HDAC4: variants seen among roughly 807,000 people sequenced by gnomAD.
The protein encoded by HDAC4 is histone deacetylase 4.
In HDAC4, 16 loss-of-function variants were observed where a neutral mutation model predicts 135.1. The observed-to-expected ratio is 0.12, with a 90% CI of 0.08 to 0.18. The LOEUF is 0.18. Among genes scored for constraint, HDAC4 ranks in the 10% least tolerant of loss-of-function variants. The probability of loss-of-function intolerance (pLI) is 1.00; values close to 1 mark genes in which losing one functional copy is unlikely to be tolerated. For missense variants in HDAC4, 1,143 were observed against 1,511.8 expected, an observed-to-expected ratio of 0.76 and a Z score of 4.05; for synonymous variants, 685 against 653.4, an observed-to-expected ratio of 1.05 and a Z score of -0.74.
Position 239,308,073 on chromosome 2 carries a change from CG to C in HDAC4, c.22+44604del, listed in dbSNP as rs1559351528. Reference sequence around the variant, plus strand: ...CCATCCCACCCCCAACGGTGAGAGCCGGGCCCATCACAAGCCCTCTCTGGGC... The same window carrying C: ...CCATCCCACCCCCAACGGTGAGAGCCGGCCCATCACAAGCCCTCTCTGGGC... On this transcript the variant is annotated intron_variant, in intron 2 of 26. Transcript: ENST00000543185. The surrounding 1 kb of genome is among the most constrained non-coding windows in gnomAD (Gnocchi z 4.2). 1.3e-5 allele frequency among the ~76,000 whole-genome samples: 2 copies of C among 152,200 alleles called. No homozygotes were observed. The highest frequency in any genetic ancestry group is 4.8e-5 in the African/African-American group (2 of 41,450).
At chr2:239,388,777 G>A (rs1696001974) in intron 1 of HDAC4, among the ~76,000 whole-genome samples, 1 of 152,218 alleles carries the variant, frequency 6.6e-6, no homozygotes, top group Admixed American at 6.5e-5. Flanking sequence ...TCTGCATCCA[G>A]CCAGTCATCA....
chr2:239,323,590 T>C (rs2053381385), intron 2 of HDAC4, among the ~76,000 whole-genome samples: 1 of 152,192 alleles, frequency 6.6e-6, no homozygotes, highest in African/African-American at 2.4e-5. Flanking sequence ...AGGAGGCGTC[T>C]GGGAGCTCAG....
chr2:239,275,809 G>A (rs566436266), intron 2 of HDAC4, among the ~76,000 whole-genome samples: 1 of 152,288 alleles, frequency 6.6e-6, no homozygotes, highest in African/African-American at 2.4e-5. Flanking sequence ...GGAGCTCACA[G>A]GGAGGGGAAG....
At chr2:239,088,359 C>T (rs377092434) in intron 18 of HDAC4, among the ~76,000 whole-genome samples, 2 of 152,198 alleles carry the variant, frequency 1.3e-5, no homozygotes, top group East Asian at 3.8e-4. Flanking sequence ...CGGGGTGAGC[C>T]GGACGCCGCA....
intron 5 of HDAC4, among the ~76,000 whole-genome samples, chr2:239,172,284 G>C (rs1460377446): frequency 3.8e-5 from 1 of 26,116 alleles, no homozygotes; most frequent in Non-Finnish European, 6.9e-5. Context: ...TACCAAGCTG[G>C]TGAAAAAAAA....
chr2:239,185,387 G>A (rs2044480483), intron 4 of HDAC4, among the ~76,000 whole-genome samples: 1 of 151,600 alleles, frequency 6.6e-6, no homozygotes, highest in African/African-American at 2.4e-5. Flanking sequence ...TGCAGGGGGT[G>A]CCCCACGCCT....
intron 3 of HDAC4, among the ~76,000 whole-genome samples, chr2:239,209,330 T>G (rs2046239526): frequency 6.6e-6 from 1 of 152,208 alleles, no homozygotes; most frequent in African/African-American, 2.4e-5. Context: ...AAAAGCTGAA[T>G]ATAAAACTAC....
At chr2:239,376,904 G>A (rs1695050087) in intron 1 of HDAC4, among the ~76,000 whole-genome samples, 1 of 152,118 alleles carries the variant, frequency 6.6e-6, no homozygotes. Flanking sequence ...GTTGCACGAT[G>A]ATAGCAAGTT....
chr2:239,094,269 G>C (rs754467468), intron 17 of HDAC4: 57 of 985,362 alleles, frequency 5.8e-5, no homozygotes, highest in Non-Finnish European at 6.9e-5. Flanking sequence ...GCATCAAGGA[G>C]GTCAGGGGCC....
At chr2:239,062,797 C>T (rs751058959) in intron 24 of HDAC4, among the ~76,000 whole-genome samples, 9 of 152,242 alleles carry the variant, frequency 5.9e-5, no homozygotes, top group Non-Finnish European at 1.0e-4. Context: ...GGGATGCCAC[C>T]TGGATCTTTG....
intron 3 of HDAC4, among the ~76,000 whole-genome samples, chr2:239,225,709 G>A (rs1271717949): frequency 3.4e-5 from 5 of 146,072 alleles, no homozygotes; most frequent in African/African-American, 7.7e-5. Flanking sequence ...TGACTAAACC[G>A]CCTTCAATTT....
rs771798184 is a variant in HDAC4, at chr2:239,108,127, T to A, written c.2035A>T (p.Ser679Cys). ...KHQCTCGSSS[S>C]HPEHAGRIQS... ...ATCCTCCCGGCGTGCTCGGGGTGGC[T>A]GCTGCTACTCCCGCAGGTGCACTGG... The change falls in exon 15 of 27, where the codon AGC becomes TGC. Residue 679 changes from serine to cysteine, a missense_variant. Ser to Cys is a moderately radical substitution (Grantham distance 112). Transcript: ENST00000543185. 1 of 1,608,504 alleles carries A rather than the reference T, an allele frequency of 6.2e-7. No homozygotes were observed. The highest frequency in any genetic ancestry group is 8.5e-7 in the Non-Finnish European group (1 of 1,178,816).
chr2:239,198,602 G>A (rs535203264), intron 3 of HDAC4, among the ~76,000 whole-genome samples: 3 of 152,152 alleles, frequency 2.0e-5, no homozygotes, highest in African/African-American at 2.4e-5. Context: ...TTGTGGCAGC[G>A]CAGCTTCCAT....
chr2:239,229,339 G>A (rs2047414778), intron 3 of HDAC4, among the ~76,000 whole-genome samples: 1 of 152,250 alleles, frequency 6.6e-6, no homozygotes, highest in Admixed American at 6.5e-5. Context: ...CCTGCGTCTG[G>A]CCTTTGAGTC....
At chr2:239,192,655 G>C (rs1263770135) in intron 3 of HDAC4, among the ~76,000 whole-genome samples, 1 of 152,176 alleles carries the variant, frequency 6.6e-6, no homozygotes, top group East Asian at 1.9e-4. Context: ...ACAGTCTCGT[G>C]AATGACTGTC....
At chr2:239,288,989 G>A (rs1331159257) in intron 2 of HDAC4, among the ~76,000 whole-genome samples, 1 of 152,224 alleles carries the variant, frequency 6.6e-6, no homozygotes, top group East Asian at 1.9e-4. Flanking sequence ...AGGGGGCTGA[G>A]ACAGGGGAGT....
At position 239,296,393 on chromosome 2, in the gene HDAC4, C is replaced by G. The variant is rs188946070; in HGVS notation, c.22+56285G>C. ...CATGGCCAGTCCTGCAGCGCCCTGG[C>G]CCAGCTGGTTTTCTGGTTTTTCCCC... On this transcript the variant is annotated intron_variant, in intron 2 of 26. Transcript: ENST00000543185. 6.3e-4 allele frequency among the ~76,000 whole-genome samples: 96 copies of G among 152,322 alleles called. 1 individual carries two copies. The highest frequency in any genetic ancestry group is 1.2e-3 in the Non-Finnish European group (81 of 68,024).
At chr2:239,101,154 GTTCACTCCC>G (rs1479198910) in intron 16 of HDAC4, among the ~76,000 whole-genome samples, 1 of 152,136 alleles carries the variant, frequency 6.6e-6, no homozygotes, top group East Asian at 1.9e-4. Context: ...TCCTACTGCT[GTTCACTCCC>G]TTCTCACTTT....
At chr2:239,197,013 C>T (rs1022294320) in intron 3 of HDAC4, among the ~76,000 whole-genome samples, 20 of 152,192 alleles carry the variant, frequency 1.3e-4, no homozygotes, top group Non-Finnish European at 1.5e-5. Context: ...GGGTCCAACT[C>T]CTCCAGGGGA....
Sources: gnomAD v4.1 joint callset for allele counts (sites outside exome capture counted in the v4.1 genomes callset) on GRCh38, gnomAD v4.1.1 for gene constraint, Gnocchi (gnomAD v3.1) non-coding constraint, MANE v1.5 for transcripts, NCBI Gene and HGNC (gene_info 2026-07-23, HGNC 2026-07-21) for gene names.